SCN1A: variants seen among roughly 807,000 people sequenced by gnomAD.
SCN1A encodes the protein sodium channel protein type 1 subunit alpha.
A neutral mutation model predicts 193.7 loss-of-function variants in SCN1A; 13 were observed. The observed-to-expected ratio is 0.07, with a 90% CI of 0.04 to 0.11. The LOEUF is 0.11. Among genes scored for constraint, SCN1A ranks in the 10% least tolerant of loss-of-function variants. SCN1A has a pLI of 1.00. For missense variants in SCN1A, 1,432 were observed against 2,451.1 expected (o/e 0.58, Z 8.78); for synonymous variants, 781 against 843.6 (o/e 0.93, Z 1.29).
At chr2:165,993,220 A>T (rs1408275976) in intron 28 of SCN1A, 92 of 103,130 alleles carry the variant, frequency 8.9e-4, no homozygotes, top group African/African-American at 2.6e-3. Flanking sequence ...TGAGAGAGAG[A>T]GAGAGAGAAG....
intron 2 of SCN1A, among the ~76,000 whole-genome samples, chr2:166,113,238 G>A (rs922178791): frequency 6.6e-6 from 1 of 152,198 alleles, no homozygotes; most frequent in Middle Eastern, 3.4e-3. Flanking sequence ...AAAACAAAAC[G>A]ACCCACATAT....
At chr2:166,003,785 A>T (rs767094645) in intron 23 of SCN1A, among the ~76,000 whole-genome samples, 2 of 151,626 alleles carry the variant, frequency 1.3e-5, no homozygotes, top group Non-Finnish European at 3.0e-5. Flanking sequence ...TATTCTTGTC[A>T]GTCTGATCCA....
At chr2:166,041,511 AC>A in intron 15 of SCN1A, 42 bp from the exon 16 acceptor site, 1 of 1,200,172 alleles carries the variant, frequency 8.3e-7, no homozygotes. Flanking sequence ...CAAAAGGTAT[AC>A]TTTATACACA....
At chr2:166,002,815 T>C in intron 23 of SCN1A, 62 bp from the exon 24 acceptor site, 2 of 1,389,242 alleles carry the variant, frequency 1.4e-6, no homozygotes. Flanking sequence ...AGAAAAAAAA[T>C]TCCCCTAGTA....
intron 4 of SCN1A, among the ~76,000 whole-genome samples, chr2:166,067,558 G>A (rs1447570758): frequency 6.6e-6 from 1 of 151,744 alleles, no homozygotes; most frequent in South Asian, 2.1e-4. Flanking sequence ...CACTGGTCTA[G>A]TTTTAAAACT....
At chr2:166,039,948 G>T (rs1366748608) in intron 16 of SCN1A, among the ~76,000 whole-genome samples, 1 of 132,442 alleles carries the variant, frequency 7.6e-6, no homozygotes, top group Non-Finnish European at 1.6e-5. Context: ...TTTTTGAGAC[G>T]GAGTGTCAGT....
At chr2:166,058,826 C>A in intron 4 of SCN1A, 138 bp from the exon 5 acceptor site, 1 of 610,348 alleles carries the variant, frequency 1.6e-6, no homozygotes, top group Non-Finnish European at 3.0e-6. Flanking sequence ...CTAAAGTGCC[C>A]CATGAAAACA....
At chr2:166,083,085 A>G (rs1345798518) in intron 2 of SCN1A, among the ~76,000 whole-genome samples, 1 of 152,146 alleles carries the variant, frequency 6.6e-6, no homozygotes, top group Non-Finnish European at 1.5e-5. Flanking sequence ...GTGATCTCAC[A>G]TAACTATTTT....
rs1202592149 is a variant in SCN1A, at chr2:166,109,854, C to CCCTA, written c.-142+17066_-142+17069dup. Among the ~76,000 whole-genome samples, 14 of 152,052 alleles carry CCCTA rather than the reference C, an allele frequency of 9.2e-5. No homozygotes were observed. In the East Asian group the frequency reaches 2.7e-3, roughly 29 times the overall value. The stretch of plus-strand genomic sequence containing the variant: ...ATATTGAAATTATTCCAATCAATAA[C>CCCTA]CCTACTATGTGGGTGGTGGGGAGGT... On this transcript the variant is annotated intron_variant, in intron 2 of 28. Transcript: ENST00000674923.
At chr2:166,086,838 T>C (rs999175698) in intron 2 of SCN1A, among the ~76,000 whole-genome samples, 4 of 152,268 alleles carry the variant, frequency 2.6e-5, no homozygotes, top group Admixed American at 2.6e-4. Context: ...GGGATTATTA[T>C]ACAGTTTCGT....
At chr2:166,090,901 T>A (rs1428297551) in intron 2 of SCN1A, among the ~76,000 whole-genome samples, 1 of 152,248 alleles carries the variant, frequency 6.6e-6, no homozygotes, top group Non-Finnish European at 1.5e-5. Context: ...AATTTCATTT[T>A]CCTAAGATTT....
At chr2:166,104,312 A>G (rs1435406424) in intron 2 of SCN1A, 1 of 152,248 alleles carries the variant, frequency 6.6e-6, no homozygotes, top group African/African-American at 2.4e-5. Context: ...AGAGATAATG[A>G]TGAACATTGT....
chr2:166,069,030 A>C (rs1287683930), intron 4 of SCN1A, among the ~76,000 whole-genome samples: 1 of 152,224 alleles, frequency 6.6e-6, no homozygotes, highest in Non-Finnish European at 1.5e-5. Context: ...CAAATGGTAC[A>C]AAATCAGCCC....
At position 165,991,932 on chromosome 2, in the gene SCN1A, G is replaced by A. The variant is rs1559102691; in HGVS notation, c.5343C>T (p.Tyr1781=). The A allele has an allele frequency of 3.7e-6, 6 of 1,613,904 alleles. No homozygotes were observed. The highest frequency in any genetic ancestry group is 5.1e-6 in the Non-Finnish European group (6 of 1,179,922). Residue 1781 remains tyrosine (Y), a synonymous_variant, in exon 29 of 29, where the codon TAC becomes TAT. Transcript: ENST00000674923. The stretch of plus-strand genomic sequence containing the variant: ...TGAAGTTCTCCAGGATGACCGCGAT[G>A]TACATGTTCACCACAACCAGGAAGG... The part of the protein sequence containing the change: ...IISFLVVVNM[Y]IAVILENFSV...
chr2:166,137,567 A>G (rs1035326219), intron 1 of SCN1A: 2 of 152,776 alleles, frequency 1.3e-5, no homozygotes, highest in Non-Finnish European at 2.9e-5. Flanking sequence ...GCTGCCATCC[A>G]TGTGAGATGT....
At chr2:166,057,711 A>G (rs1188580943) in intron 5 of SCN1A, among the ~76,000 whole-genome samples, 10 of 152,050 alleles carry the variant, frequency 6.6e-5, no homozygotes, top group Non-Finnish European at 1.2e-4. Context: ...TATTAAAATT[A>G]GAATGGCCGT....
At chr2:166,120,159 A>T (rs1440967041) in intron 2 of SCN1A, among the ~76,000 whole-genome samples, 3 of 148,214 alleles carry the variant, frequency 2.0e-5, no homozygotes, top group East Asian at 2.0e-4. Context: ...TTCTATTTAA[A>T]TTTTTTTTTT....
chr2:166,025,482 A>AT (rs1694638588), intron 19 of SCN1A, among the ~76,000 whole-genome samples: 1 of 152,070 alleles, frequency 6.6e-6, no homozygotes, highest in Admixed American at 6.5e-5. Context: ...ATCACTGTGC[A>AT]TTTAAAGAGT....
intron 12 of SCN1A, 115 bp downstream of exon 12, chr2:166,046,655 A>T: frequency 1.0e-6 from 1 of 956,306 alleles, no homozygotes; most frequent in Non-Finnish European, 1.6e-6. Context: ...CAAAATATAG[A>T]AATCATTATT....
Sources: gnomAD v4.1 joint callset for allele counts (sites outside exome capture counted in the v4.1 genomes callset) on GRCh38, gnomAD v4.1.1 for gene constraint, MANE v1.5 for transcripts, NCBI Gene and HGNC (gene_info 2026-07-23, HGNC 2026-07-21) for gene names.